ATP8B1: variants seen among roughly 807,000 people sequenced by gnomAD.
ATP8B1 encodes phospholipid-transporting ATPase IC.
In ATP8B1, 80 loss-of-function variants were observed where a neutral mutation model predicts 149.9. The observed-to-expected ratio is 0.53, with a 90% CI of 0.45 to 0.64. The LOEUF (loss-of-function observed/expected upper bound fraction) is 0.64, where lower values mean the gene tolerates loss of function less well. Among genes scored for constraint, ATP8B1 ranks in the 30% least tolerant of loss-of-function variants. ATP8B1 has a pLI of 0.00. For synonymous variants in ATP8B1, 536 were observed against 562.8 expected (o/e 0.95, Z 0.67); for missense variants, 1,247 against 1,552.6 (o/e 0.80, Z 3.31).
chr18:57,780,585 A>T (rs2080348003), intron 1 of ATP8B1, among the ~76,000 whole-genome samples: 1 of 152,214 alleles, frequency 6.6e-6, no homozygotes, highest in Non-Finnish European at 1.5e-5. Context: ...CTTAGTAATC[A>T]GGAGTCCATA....
At chr18:57,693,258 C>T (rs1191629203) in intron 11 of ATP8B1, among the ~76,000 whole-genome samples, 1 of 152,138 alleles carries the variant, frequency 6.6e-6, no homozygotes, top group Non-Finnish European at 1.5e-5. Flanking sequence ...AGAAGGAGTG[C>T]TTAATATTTG....
chr18:57,697,675 A>C lies in ATP8B1; in HGVS notation c.641T>G (p.Leu214Arg). Reference protein sequence around the residue: ...KNDFVPADILLLSSSEPNSLC... With the variant: ...KNDFVPADILRLSSSEPNSLC... Reference sequence around the variant, plus strand: ...GCTGTTAGGCTCAGAGCTAGACAGCAGGAGAATGTCAGCCTGTCCAAAACA... The same window carrying C: ...GCTGTTAGGCTCAGAGCTAGACAGCCGGAGAATGTCAGCCTGTCCAAAACA... The change falls in exon 8 of 28, where the codon CTG becomes CGG. Residue 214 changes from leucine (L) to arginine (R), a missense_variant. Around this residue, in one of 3 missense-constraint regions of ATP8B1, gnomAD observed 853 missense variants for 1,035.7 expected, o/e 0.82. Coordinates refer to ENST00000648908, the MANE Select transcript of ATP8B1 (RefSeq NM_001374385.1). The C allele has an allele frequency of 6.2e-7, 1 of 1,614,150 alleles. No individual in the cohort carries two copies. Among genetic ancestry groups the C allele is most frequent in the Non-Finnish European group, 8.5e-7 (1 of 1,180,030 alleles).
At chr18:57,654,684 C>G (rs1909867775) in intron 23 of ATP8B1, among the ~76,000 whole-genome samples, 1 of 137,436 alleles carries the variant, frequency 7.3e-6, no homozygotes, top group African/African-American at 2.7e-5. Flanking sequence ...AACATACAAG[C>G]AAATCCCCTC....
At chr18:57,714,016 C>A (rs1913876448) in intron 2 of ATP8B1, among the ~76,000 whole-genome samples, 1 of 152,082 alleles carries the variant, frequency 6.6e-6, no homozygotes, top group Non-Finnish European at 1.5e-5. Context: ...GCCTTAGGTT[C>A]TTGGATGACA....
intron 21 of ATP8B1, 128 bp downstream of exon 21, chr18:57,662,355 A>G (rs1910513574): frequency 8.7e-7 from 1 of 1,151,156 alleles, no homozygotes; most frequent in Non-Finnish European, 1.2e-6. Context: ...AACTTGGAAA[A>G]ACCACACTTT....
At chr18:57,677,066 C>T (rs1366583913) in intron 15 of ATP8B1, among the ~76,000 whole-genome samples, 2 of 152,090 alleles carry the variant, frequency 1.3e-5, no homozygotes, top group African/African-American at 4.8e-5. Context: ...CAGCCAGATA[C>T]ACAAAAGAGT....
intron 1 of ATP8B1, among the ~76,000 whole-genome samples, chr18:57,756,263 ATG>A (rs1411927655): frequency 2.1e-4 from 27 of 128,040 alleles, no homozygotes; most frequent in Non-Finnish European, 2.5e-4. Flanking sequence ...ATATATATAT[ATG>A]AAATATTTAC....
intron 6 of ATP8B1, among the ~76,000 whole-genome samples, chr18:57,699,720 C>CAAAA (rs1913021783): frequency 2.8e-5 from 3 of 105,918 alleles, no homozygotes; most frequent in African/African-American, 8.5e-5. Flanking sequence ...GACTCCGTCT[C>CAAAA]AAAAAAATAA....
chr18:57,766,096 T>C (rs2080209251), intron 1 of ATP8B1, among the ~76,000 whole-genome samples: 1 of 151,110 alleles, frequency 6.6e-6, no homozygotes, highest in Non-Finnish European at 1.5e-5. Context: ...CAGGCTGGAG[T>C]GCAATGGTGC....
chr18:57,776,480 C>A (rs7239484), intron 1 of ATP8B1, among the ~76,000 whole-genome samples: 1 of 152,112 alleles, frequency 6.6e-6, no homozygotes, highest in Non-Finnish European at 1.5e-5. Context: ...CAGGGCCAGG[C>A]AGGGAAAGAG....
In ATP8B1 at chr18:57,742,841, C is replaced by A. The variant is rs953361577; in HGVS notation, c.-25-11009G>T. Among the ~76,000 whole-genome samples the A allele has an allele frequency of 3.4e-4, 47 of 139,498 alleles. 1 individual carries two copies. The highest frequency in any genetic ancestry group is 1.8e-3 in the South Asian group (8 of 4,386). 91.5% of individuals were successfully genotyped at this position (139,498 alleles called of 152,430 possible). ...CCCATCTCTATAAAAAAAAAAAAAA[C>A]AAAACAGACTGGTTCTTGTTTCATT... On this transcript the variant is annotated intron_variant, in intron 1 of 27. Transcript: ENST00000648908.
At chr18:57,713,286 TTCTC>T (rs139330730) in intron 2 of ATP8B1, among the ~76,000 whole-genome samples, 4 of 138,686 alleles carry the variant, frequency 2.9e-5, no homozygotes, top group Admixed American at 7.8e-5. Flanking sequence ...TCTTTTTTCT[TTCTC>T]TCTCTCTCTC....
At chr18:57,674,001 G>C (rs1049900041) in intron 16 of ATP8B1, among the ~76,000 whole-genome samples, 1 of 152,032 alleles carries the variant, frequency 6.6e-6, no homozygotes, top group Admixed American at 6.6e-5. Context: ...AAAAATAAAA[G>C]AGCATGTGTT....
At chr18:57,731,209 G>A (rs1676579867) in intron 2 of ATP8B1, among the ~76,000 whole-genome samples, 1 of 151,892 alleles carries the variant, frequency 6.6e-6, no homozygotes. Context: ...AGGAGGCTGA[G>A]GTAGGAGGAT....
intron 21 of ATP8B1, 89 bp from the exon 22 acceptor site, chr18:57,661,551 T>A: frequency 7.0e-7 from 1 of 1,420,576 alleles, no homozygotes; most frequent in Non-Finnish European, 9.7e-7. Flanking sequence ...TGAAGGATAA[T>A]TTTTGGATTA....
At chr18:57,789,459 T>G (rs2080440287) in intron 1 of ATP8B1, among the ~76,000 whole-genome samples, 1 of 152,192 alleles carries the variant, frequency 6.6e-6, no homozygotes, top group African/African-American at 2.4e-5. Flanking sequence ...AGTGGGTCAA[T>G]ATAACATGTG....
At chr18:57,662,712 A>G in intron 20 of ATP8B1, 97 bp from the exon 21 acceptor site, 3 of 1,359,078 alleles carry the variant, frequency 2.2e-6, no homozygotes, top group Non-Finnish European at 2.0e-6. Flanking sequence ...TGACAAAAAA[A>G]CAAAGTTTAC....
chr18:57,649,605 C>T (rs1286587683), intron 27 of ATP8B1, among the ~76,000 whole-genome samples: 8 of 152,106 alleles, frequency 5.3e-5, no homozygotes, highest in Non-Finnish European at 8.8e-5. Context: ...CCCCCCCCAA[C>T]CCCTCACAGC....
chr18:57,714,158 A>G (rs986331291), intron 2 of ATP8B1, among the ~76,000 whole-genome samples: 5 of 152,184 alleles, frequency 3.3e-5, no homozygotes, highest in Admixed American at 2.6e-4. Flanking sequence ...CACTCCTCAT[A>G]GGCCTGTGGT....
Sources: gnomAD v4.1 joint callset for allele counts (sites outside exome capture counted in the v4.1 genomes callset) on GRCh38, gnomAD v4.1.1 for gene constraint, gnomAD v4.1.1 regional missense constraint, MANE v1.5 for transcripts, NCBI Gene and HGNC (gene_info 2026-07-23, HGNC 2026-07-21) for gene names.